MAF: variants seen among roughly 807,000 people sequenced by gnomAD.
The protein encoded by MAF is transcription factor Maf.
MAF carries 10 observed loss-of-function variants against 22.0 expected under a neutral mutation model. That is an observed-to-expected ratio of 0.45 (90% confidence interval 0.28 to 0.77). MAF has a LOEUF of 0.77. Ranked by LOEUF, MAF falls within the 30% of genes least tolerant of loss-of-function variation. The pLI is 0.12. For missense variants in MAF, 544 were observed against 548.4 expected (o/e 0.99, Z 0.08); for synonymous variants, 337 against 255.8 (o/e 1.32, Z -3.03).
At chr16:79,253,577 A>T in the MAF span, among the ~76,000 whole-genome samples, 1 of 152,034 alleles carries the variant, frequency 6.6e-6, no homozygotes. Flanking sequence ...AGGTGTGTGT[A>T]TGTGCATGCG....
the MAF span, among the ~76,000 whole-genome samples, chr16:79,525,337 G>T: frequency 3.9e-5 from 6 of 152,134 alleles, no homozygotes; most frequent in East Asian, 1.9e-4. Context: ...TTTCTGACTT[G>T]GCAAGACAAC....
chr16:79,211,945 T>TAAGTA, the MAF span: 64 of 1,537,080 alleles, frequency 4.2e-5, no homozygotes, highest in Non-Finnish European at 5.3e-5. Context: ...TGAAAAATCT[T>TAAGTA]AAGTACCAAT....
the MAF span, among the ~76,000 whole-genome samples, chr16:79,364,076 G>A: frequency 3.3e-5 from 5 of 152,262 alleles, no homozygotes; most frequent in East Asian, 7.7e-4. Flanking sequence ...TTTAATCCTT[G>A]TCTGTGTCAA....
the MAF span, among the ~76,000 whole-genome samples, chr16:79,552,290 C>T: frequency 0.076 from 11,602 of 151,948 alleles, 517 homozygotes; most frequent in Middle Eastern, 0.12. Context: ...CATGGCTCAC[C>T]GAAGCCTCGA....
At chr16:79,364,706 T>C in the MAF span, among the ~76,000 whole-genome samples, 1 of 152,298 alleles carries the variant, frequency 6.6e-6, no homozygotes, top group African/African-American at 2.4e-5. Flanking sequence ...CATATGATTT[T>C]GATAGAAGTG....
chr16:79,226,667 T>C, the MAF span, among the ~76,000 whole-genome samples: 1 of 151,450 alleles, frequency 6.6e-6, no homozygotes, highest in East Asian at 1.9e-4. Context: ...AAAAAATGAA[T>C]GAAAAAGTGC....
the MAF span, among the ~76,000 whole-genome samples, chr16:79,443,093 A>T: frequency 3.9e-5 from 6 of 152,200 alleles, no homozygotes; most frequent in Non-Finnish European, 8.8e-5. Flanking sequence ...ATTCTGCTGG[A>T]GGGACTTTTC....
At chr16:79,285,328 C>A in the MAF span, among the ~76,000 whole-genome samples, 1 of 152,162 alleles carries the variant, frequency 6.6e-6, no homozygotes, top group Non-Finnish European at 1.5e-5. Context: ...TTCCTTAGGT[C>A]CATTCTGGGC....
chr16:79,473,069 G>A, the MAF span, among the ~76,000 whole-genome samples: 411 of 152,260 alleles, frequency 2.7e-3, no homozygotes, highest in Middle Eastern at 6.8e-3. Context: ...ACGAAGAAAA[G>A]TAGAGTGAGG....
chr16:79,499,130 T>C, the MAF span, among the ~76,000 whole-genome samples: 1 of 152,220 alleles, frequency 6.6e-6, no homozygotes. Context: ...ATCTCCATTG[T>C]ATTAGTCATC....
the MAF span, among the ~76,000 whole-genome samples, chr16:79,278,988 A>G: frequency 6.6e-6 from 1 of 152,144 alleles, no homozygotes; most frequent in Non-Finnish European, 1.5e-5. Context: ...TATACCCCTC[A>G]AATATATGTA....
the MAF span, among the ~76,000 whole-genome samples, chr16:79,538,027 T>C: frequency 6.6e-6 from 1 of 152,322 alleles, no homozygotes; most frequent in South Asian, 2.1e-4. Context: ...TTTATCTGTC[T>C]GGCTGCAGAG....
At chr16:79,230,350 G>C in the MAF span, among the ~76,000 whole-genome samples, 8 of 152,134 alleles carry the variant, frequency 5.3e-5, no homozygotes, top group Admixed American at 1.3e-4. Context: ...GACCAATAGA[G>C]GGAACTGAGC....
chr16:79,412,308 A>T, the MAF span, among the ~76,000 whole-genome samples: 1 of 152,172 alleles, frequency 6.6e-6, no homozygotes, highest in Admixed American at 6.5e-5. Flanking sequence ...CCGTGGTACC[A>T]GGTATGTGCA....
chr16:79,272,100 A>G, the MAF span, among the ~76,000 whole-genome samples: 2 of 152,188 alleles, frequency 1.3e-5, no homozygotes, highest in African/African-American at 4.8e-5. Flanking sequence ...TGGGGGTAAA[A>G]GAAAACCTTT....
chr16:79,496,544 A>G, the MAF span, among the ~76,000 whole-genome samples: 4 of 152,246 alleles, frequency 2.6e-5, no homozygotes, highest in Non-Finnish European at 5.9e-5. Flanking sequence ...GAGTCTTATT[A>G]ACAGAGCAGT....
chr16:79,530,823 T>C, the MAF span, among the ~76,000 whole-genome samples: 1 of 152,300 alleles, frequency 6.6e-6, no homozygotes, highest in African/African-American at 2.4e-5. Context: ...ATCCTGGAGA[T>C]AGTAAAACGG....
the MAF span, among the ~76,000 whole-genome samples, chr16:79,540,196 G>C: frequency 1.3e-5 from 2 of 151,768 alleles, no homozygotes; most frequent in South Asian, 4.2e-4. Flanking sequence ...GGGATTATCA[G>C]ACAGGTTACG....
the MAF span, among the ~76,000 whole-genome samples, chr16:79,531,058 C>T: frequency 4.6e-5 from 7 of 152,294 alleles, no homozygotes; most frequent in East Asian, 1.4e-3. Context: ...AATATCCGGC[C>T]TTATCAGCTA....
Sources: gnomAD v4.1 joint callset for allele counts (sites outside exome capture counted in the v4.1 genomes callset) on GRCh38, gnomAD v4.1.1 for gene constraint, MANE v1.5 for transcripts, NCBI Gene and HGNC (gene_info 2026-07-23, HGNC 2026-07-21) for gene names.